TMEM52B: variants seen among roughly 807,000 people sequenced by gnomAD.
The protein encoded by TMEM52B is chromosome 12 open reading frame 59.
Under a neutral mutation model 16.1 loss-of-function variants are expected in TMEM52B, and 11 were observed. The observed-to-expected ratio is 0.68, with a 90% CI of 0.43 to 1.13. The LOEUF is 1.13. TMEM52B is among the 50% of genes most tolerant of loss of function. The probability of loss-of-function intolerance (pLI) is 0.00; values close to 1 mark genes in which losing one functional copy is unlikely to be tolerated. For synonymous variants in TMEM52B, 101 were observed against 93.8 expected (o/e 1.08, Z -0.45); for missense variants, 243 against 230.4 (o/e 1.05, Z -0.35).
intron 4 of TMEM52B, among the ~76,000 whole-genome samples, chr12:10,189,016 CAAAAAAAAAAAAAAAAAAAAAAAAAAA>C (rs869240234): frequency 1.8e-5 from 1 of 56,488 alleles, no homozygotes; most frequent in African/African-American, 8.1e-5. Flanking sequence ...GACTCCGTCT[CAAAAAAAAAAAAAAAAAAAAAAAAAAA>C]AAAAAAAATT....
At chr12:10,187,199 G>T (rs1055114441) in intron 4 of TMEM52B, among the ~76,000 whole-genome samples, 24 of 143,878 alleles carry the variant, frequency 1.7e-4, no homozygotes, top group African/African-American at 6.0e-4. Flanking sequence ...CGCCTTCCGG[G>T]TTCAAGTAGT....
intron 4 of TMEM52B, among the ~76,000 whole-genome samples, chr12:10,188,816 A>G (rs1948916723): frequency 6.6e-6 from 1 of 151,738 alleles, no homozygotes; most frequent in African/African-American, 2.4e-5. Flanking sequence ...CAGGAGATCG[A>G]GACCATCCTG....
upstream of TMEM52B, among the ~76,000 whole-genome samples, chr12:10,178,522 CAA>C (rs56217145): frequency 0.12 from 13,147 of 109,684 alleles, 935 homozygotes; most frequent in African/African-American, 0.25. Flanking sequence ...GACTCCGTCT[CAA>C]AAAAAAAAAA....
At chr12:10,172,707 T>C (rs1443406507) in intron 1 of TMEM52B, among the ~76,000 whole-genome samples, 6 of 152,214 alleles carry the variant, frequency 3.9e-5, no homozygotes, top group African/African-American at 1.4e-4. Context: ...AGAGAGCACT[T>C]TGAATGCAGA....
chr12:10,172,781 A>G (rs1018553964), intron 1 of TMEM52B, among the ~76,000 whole-genome samples: 1 of 152,140 alleles, frequency 6.6e-6, no homozygotes, highest in African/African-American at 2.4e-5. Flanking sequence ...CTTTGAATCT[A>G]TGTCTTTGTC....
rs1308822530 is a variant in TMEM52B at position 10,191,609 on chromosome 12, TG to T, written c.*1470del. 6.6e-6 allele frequency: 1 copy of T among 152,194 alleles called. No individual in the cohort carries two copies. Among genetic ancestry groups the T allele is most frequent in the Non-Finnish European group, 1.5e-5 (1 of 68,040 alleles). 9.4% of individuals were successfully genotyped at this position (152,194 alleles called of 1,614,324 possible). A position where few individuals can be genotyped will look rare whatever the true frequency, so the allele number is the denominator to read the frequency against. On this transcript the variant is annotated 3_prime_UTR_variant, in exon 5 of 5. Transcript: ENST00000543484. ...GTGAAGATCAAAGAAGCTAAATATA[TG>T]TGGCATGATTTGTAAAGTGTTATGC...
At position 10,191,052 on chromosome 12, in the gene TMEM52B, A is replaced by G. The variant is rs1948952226; in HGVS notation, c.*912A>G. ...CACATCTCTCGAGTTCTTGGAGCAA[A>G]AACTAAATGCTGAACTAAGCCTGGT... is the stretch of plus-strand genomic sequence containing the variant. On this transcript the variant is annotated 3_prime_UTR_variant, in exon 5 of 5. Transcript: ENST00000543484. 6.6e-6 allele frequency: 1 copy of G among 150,748 alleles called. No homozygotes were observed. 9.3% of individuals were successfully genotyped at this position (150,748 alleles called of 1,614,324 possible).
intron 4 of TMEM52B, among the ~76,000 whole-genome samples, chr12:10,188,489 G>T (rs1948907627): frequency 9.1e-6 from 1 of 110,282 alleles, no homozygotes; most frequent in Non-Finnish European, 1.8e-5. Flanking sequence ...GAAAGAGAGA[G>T]AGGGAAGGAA....
chr12:10,186,649 G>C (rs1948883696), intron 4 of TMEM52B, 60 bp downstream of exon 4: 5 of 1,459,270 alleles, frequency 3.4e-6, no homozygotes, highest in Non-Finnish European at 4.6e-6. Flanking sequence ...TAATGAAAAG[G>C]GTGCAAAGGT....
In TMEM52B at chr12:10,185,354, T is replaced by A; in HGVS notation, c.123T>A (p.His41Gln). The A allele has an allele frequency of 6.2e-7, 1 of 1,608,532 alleles. No individual in the cohort carries two copies. Among genetic ancestry groups the A allele is most frequent in the South Asian group, 1.1e-5 (1 of 90,976 alleles). ...PEHCLTTDWV[H>Q]LWYIWLLVVI... The stretch of plus-strand genomic sequence containing the variant: ...GTTGCCTGACCACAGACTGGGTACA[T>A]CTCTGGTATATATGGTAAGTTTCAC... Residue 41 changes from histidine to glutamine, a missense_variant, in exon 3 of 5, where the codon CAT becomes CAA. Transcript: ENST00000543484.
chr12:10,188,970 TCG>T (rs1948919346), intron 4 of TMEM52B, among the ~76,000 whole-genome samples: 1 of 131,150 alleles, frequency 7.6e-6, no homozygotes, highest in Non-Finnish European at 1.5e-5. Flanking sequence ...TGAGCCGAGA[TCG>T]CGCCACTGCA....
Position 10,190,902 on chromosome 12 carries a change from T to TTTTGCCTGGACCACTTA in TMEM52B, c.*763_*779dup, listed in dbSNP as rs1948950090. 1 of 152,334 alleles carries TTTTGCCTGGACCACTTA rather than the reference T, an allele frequency of 6.6e-6. No individual in the cohort carries two copies. The highest frequency in any genetic ancestry group is 2.1e-4 in the South Asian group (1 of 4,834). 9.4% of individuals were successfully genotyped at this position (152,334 alleles called of 1,614,324 possible). A position where few individuals can be genotyped will look rare whatever the true frequency, so the allele number is the denominator to read the frequency against. ...ATAGTGTTGCTTTACTTCTTTCCTG[T>TTTTGCCTGGACCACTTA]TTTGCCTGGACCACTTAAAGCCACA... On this transcript the variant is annotated 3_prime_UTR_variant, in exon 5 of 5. Transcript: ENST00000543484.
Position 10,189,888 on chromosome 12 carries a change from C to T in TMEM52B, c.308-8C>T, listed in dbSNP as rs780407207. On this transcript the variant is annotated splice_region_variant and splice_polypyrimidine_tract_variant and intron_variant, in intron 4 of 4. Coordinates refer to ENST00000543484, the MANE Select transcript of TMEM52B (RefSeq NM_001384896.1). ...AGTTTCTTAGCTCTGTTCCTTCTTT[C>T]TTCACAGCTCTGCAGTCGGTGTTTG... 29 of 1,613,104 alleles carry T rather than the reference C, an allele frequency of 1.8e-5. No homozygotes were observed. In the Admixed American group the frequency reaches 2.0e-4, roughly 11 times the overall value.
At chr12:10,176,100 C>A (rs1284336723), upstream of TMEM52B, among the ~76,000 whole-genome samples, 1 of 152,164 alleles carries the variant, frequency 6.6e-6, no homozygotes. Context: ...GTAATGAGAC[C>A]ATTTCCCTCT....
At chr12:10,177,990 G>T (rs1201799969), upstream of TMEM52B, among the ~76,000 whole-genome samples, 2 of 150,462 alleles carry the variant, frequency 1.3e-5, no homozygotes, top group East Asian at 4.1e-4. Context: ...CTGCCTTCCG[G>T]GTTCAAGTGG....
At chr12:10,182,679 C>A in intron 2 of TMEM52B, 86 bp downstream of exon 2, 1 of 1,287,522 alleles carries the variant, frequency 7.8e-7, no homozygotes, top group Non-Finnish European at 1.0e-6. Context: ...CATTAGACAT[C>A]TATGACTTCT....
At position 10,190,133 on chromosome 12, in the gene TMEM52B, G is replaced by T. The variant is rs758944620; in HGVS notation, c.545G>T (p.Trp182Leu). ...EKESTRIVDS[W>L]N ...GAGTCGACTCGAATAGTTGACTCTTGGAACTGATGAGAGCTGTCATTTTAT... is the reference window on the plus strand; with the variant it reads ...GAGTCGACTCGAATAGTTGACTCTTTGAACTGATGAGAGCTGTCATTTTAT... Residue 182 changes from tryptophan (W) to leucine (L), a missense_variant, in exon 5 of 5, where the codon TGG becomes TTG. Coordinates refer to ENST00000543484, the MANE Select transcript of TMEM52B (RefSeq NM_001384896.1). 2 of 1,614,166 alleles carry T rather than the reference G, an allele frequency of 1.2e-6. No homozygotes were observed. Among genetic ancestry groups the T allele is most frequent in the Non-Finnish European group, 8.5e-7 (1 of 1,180,024 alleles).
chr12:10,189,868 C>A, intron 4 of TMEM52B, 28 bp from the exon 5 acceptor site: 1 of 1,610,610 alleles, frequency 6.2e-7, no homozygotes, highest in Non-Finnish European at 8.5e-7. Context: ...CCCTTAGTTT[C>A]TTAGCTCTGT....
rs1301975758 is a variant in TMEM52B, at chr12:10,186,450, C to T, written c.168C>T (p.Leu56=). The change falls in exon 4 of 5, where the codon CTC becomes CTT. Residue 56 remains leucine, a synonymous_variant. Coordinates refer to ENST00000543484, the MANE Select transcript of TMEM52B (RefSeq NM_001384896.1). Reference sequence around the variant, plus strand: ...TAGTGGTAATTGGCGCGCTGCTTCTCCTGTGTGGCCTGACGTCCCTGTGCT... The same window carrying T: ...TAGTGGTAATTGGCGCGCTGCTTCTTCTGTGTGGCCTGACGTCCCTGTGCT... The part of the protein sequence containing the change: ...WLLVVIGALL[L]LCGLTSLCFR... 1 of 1,611,700 alleles carries T rather than the reference C, an allele frequency of 6.2e-7. No individual in the cohort carries two copies. Among genetic ancestry groups the T allele is most frequent in the Non-Finnish European group, 8.5e-7 (1 of 1,178,252 alleles).
Sources: gnomAD v4.1 joint callset for allele counts (sites outside exome capture counted in the v4.1 genomes callset) on GRCh38, gnomAD v4.1.1 for gene constraint, MANE v1.5 for transcripts, NCBI Gene and HGNC (gene_info 2026-07-23, HGNC 2026-07-21) for gene names.